The following SGCZ variants were observed in gnomAD, a reference collection of about 807,000 sequenced individuals.
SGCZ encodes the protein zeta-sarcoglycan.
Under a neutral mutation model 41.3 loss-of-function variants are expected in SGCZ, and 40 were observed. That is an observed-to-expected ratio of 0.97 (90% CI 0.75 to 1.26). The LOEUF (loss-of-function observed/expected upper bound fraction) is 1.26. SGCZ is among the 50% of genes most tolerant of loss of function. The pLI is 0.00. For missense variants in SGCZ, 552 were observed against 369.8 expected, an observed-to-expected ratio of 1.49 and a Z score of -4.04; for synonymous variants, 206 against 137.5, an observed-to-expected ratio of 1.50 and a Z score of -3.49.
At position 15,049,389 on chromosome 8, in the gene SGCZ, T is replaced by G. The variant is rs535362919; in HGVS notation, c.39+188196A>C. On this transcript the variant is annotated intron_variant, in intron 1 of 7. Transcript: ENST00000382080. Reference sequence around the variant, plus strand: ...AAGAGCAAGAGCAGGAAGAGATGAGTGTGAAGAAGTAGCAAGAGCAACTAG... The same window carrying G: ...AAGAGCAAGAGCAGGAAGAGATGAGGGTGAAGAAGTAGCAAGAGCAACTAG... 1.4e-4 allele frequency among the ~76,000 whole-genome samples: 22 copies of G among 151,888 alleles called. No homozygotes were observed. In the South Asian group the frequency reaches 4.6e-3, roughly 31 times the overall value.
chr8:15,170,495 C>A (rs1585636052), intron 1 of SGCZ, among the ~76,000 whole-genome samples: 1 of 152,188 alleles, frequency 6.6e-6, no homozygotes, highest in Admixed American at 6.5e-5. Flanking sequence ...CATTCTGTGA[C>A]CATAACTAAA....
chr8:14,989,732 T>G lies in SGCZ; in HGVS notation c.39+247853A>C, dbSNP rs17120675. On this transcript the variant is annotated intron_variant, in intron 1 of 7. Transcript: ENST00000382080. The stretch of plus-strand genomic sequence containing the variant: ...TTTCTGTCACGAGCAGAAATGAGTG[T>G]TCTTTAGTTAAGCAGAAAGAGAGAT... Among the ~76,000 whole-genome samples the G allele has an allele frequency of 6.3e-3, 954 of 152,298 alleles. 7 individuals are homozygous for G. The highest frequency in any genetic ancestry group is 0.022 in the African/African-American group (896 of 41,558).
At chr8:14,101,564 G>GAAAATT (rs1402670457) in intron 7 of SGCZ, among the ~76,000 whole-genome samples, 3 of 151,716 alleles carry the variant, frequency 2.0e-5, no homozygotes, top group Admixed American at 6.6e-5. Context: ...GATGTCTGCA[G>GAAAATT]GAGTAGCAAC....
intron 4 of SGCZ, among the ~76,000 whole-genome samples, chr8:14,196,565 T>C (rs557951029): frequency 6.6e-6 from 1 of 152,342 alleles, no homozygotes; most frequent in East Asian, 1.9e-4. Flanking sequence ...AAAACCTACG[T>C]ATATACACTA....
chr8:15,074,964 A>G (rs1172566876), intron 1 of SGCZ, among the ~76,000 whole-genome samples: 1 of 152,146 alleles, frequency 6.6e-6, no homozygotes, highest in East Asian at 1.9e-4. Context: ...TAGACGGTGA[A>G]TATTCAAGAG....
chr8:14,106,666 C>A (rs79801451), intron 6 of SGCZ, among the ~76,000 whole-genome samples: 1,542 of 152,230 alleles, frequency 0.01, 25 homozygotes, highest in African/African-American at 0.035. Flanking sequence ...ATGTGAAGGG[C>A]TAAACAGCAA....
intron 1 of SGCZ, among the ~76,000 whole-genome samples, chr8:14,939,667 C>G (rs1325192966): frequency 6.6e-6 from 1 of 152,088 alleles, no homozygotes; most frequent in Admixed American, 6.6e-5. Context: ...TGTAAATATT[C>G]ATTTTGTACG....
At chr8:14,151,662 T>G (rs1017967824) in intron 5 of SGCZ, among the ~76,000 whole-genome samples, 1 of 151,990 alleles carries the variant, frequency 6.6e-6, no homozygotes, top group Non-Finnish European at 1.5e-5. Flanking sequence ...AATAATAATA[T>G]TGAAATAAAG....
chr8:14,234,048 C>G (rs1371333066), intron 4 of SGCZ, among the ~76,000 whole-genome samples: 1 of 151,878 alleles, frequency 6.6e-6, no homozygotes, highest in Admixed American at 6.6e-5. Context: ...AATTAGAATC[C>G]TAGACTTAGT....
chr8:14,300,923 G>C (rs1801163678), intron 3 of SGCZ, among the ~76,000 whole-genome samples: 1 of 151,944 alleles, frequency 6.6e-6, no homozygotes, highest in Non-Finnish European at 1.5e-5. Flanking sequence ...AGATTTAGAA[G>C]ATAATGTTCA....
chr8:15,026,522 T>C (rs921112041), intron 1 of SGCZ, among the ~76,000 whole-genome samples: 1 of 152,172 alleles, frequency 6.6e-6, no homozygotes, highest in East Asian at 1.9e-4. Context: ...CAAACAAAAA[T>C]GCATTGATTC....
chr8:15,131,966 T>C (rs1807922617), intron 1 of SGCZ, among the ~76,000 whole-genome samples: 1 of 152,202 alleles, frequency 6.6e-6, no homozygotes, highest in South Asian at 2.1e-4. Context: ...ACTAAGCAAC[T>C]CTTATTTGTA....
intron 2 of SGCZ, among the ~76,000 whole-genome samples, chr8:14,461,931 A>G (rs894246992): frequency 2.6e-5 from 4 of 152,134 alleles, no homozygotes; most frequent in Admixed American, 2.6e-4. Flanking sequence ...AGATGTTGTT[A>G]TATAATGCTT....
At chr8:14,836,519 G>T (rs190073880) in intron 1 of SGCZ, among the ~76,000 whole-genome samples, 2 of 152,178 alleles carry the variant, frequency 1.3e-5, no homozygotes, top group East Asian at 3.9e-4. Context: ...TTTGTTTTGA[G>T]ACGGGGTCTC....
At chr8:14,820,681 G>C (rs1439757964) in intron 1 of SGCZ, among the ~76,000 whole-genome samples, 1 of 151,816 alleles carries the variant, frequency 6.6e-6, no homozygotes, top group East Asian at 1.9e-4. Flanking sequence ...AAGTCAACAA[G>C]AAAAACTTCA....
At chr8:14,573,653 G>A (rs1480160530) in intron 1 of SGCZ, among the ~76,000 whole-genome samples, 1 of 152,086 alleles carries the variant, frequency 6.6e-6, no homozygotes. Context: ...TCTTATGGCA[G>A]GAGAGACTGG....
At chr8:14,186,574 C>T (rs1351552801) in intron 4 of SGCZ, among the ~76,000 whole-genome samples, 1 of 152,168 alleles carries the variant, frequency 6.6e-6, no homozygotes, top group Non-Finnish European at 1.5e-5. Flanking sequence ...ATAACAAGTG[C>T]TTAGTTCCTA....
At chr8:14,599,640 T>C (rs1805523924) in intron 1 of SGCZ, among the ~76,000 whole-genome samples, 1 of 152,196 alleles carries the variant, frequency 6.6e-6, no homozygotes, top group Non-Finnish European at 1.5e-5. Context: ...CTTCACTAAA[T>C]CTGAAGACGC....
At chr8:14,536,586 C>T (rs760554159) in intron 2 of SGCZ, among the ~76,000 whole-genome samples, 43 of 151,392 alleles carry the variant, frequency 2.8e-4, no homozygotes, top group Non-Finnish European at 5.3e-4. Context: ...TAATTTAAGC[C>T]AACTGAAAAT....
Sources: allele counts gnomAD v4.1 joint callset (sites outside exome capture counted in the v4.1 genomes callset), GRCh38; gene constraint gnomAD v4.1.1; transcripts MANE v1.5; gene names NCBI Gene and HGNC (gene_info 2026-07-23, HGNC 2026-07-21).